Variants in OLFM2 observed in about 807,000 individuals in gnomAD.
OLFM2 encodes noelin-2.
A neutral mutation model predicts 43.9 loss-of-function variants in OLFM2; 20 were observed. That is an observed-to-expected ratio of 0.46 (90% CI 0.32 to 0.66). The LOEUF is 0.66. Among genes scored for constraint, OLFM2 ranks in the 30% least tolerant of loss-of-function variants. The pLI, the probability that OLFM2 is intolerant of heterozygous loss-of-function variation, is 0.04. For missense variants in OLFM2, 416 were observed against 643.6 expected (o/e 0.65, Z 3.83); for synonymous variants, 268 against 278.6 (o/e 0.96, Z 0.38).
intron 1 of OLFM2, among the ~76,000 whole-genome samples, chr19:9,891,663 G>A (rs959069877): frequency 6.6e-6 from 1 of 151,974 alleles, no homozygotes; most frequent in Non-Finnish European, 1.5e-5. Context: ...TCCATCACTG[G>A]GGTCCCTGAG....
At chr19:9,898,220 T>G (rs1342167870) in intron 1 of OLFM2, among the ~76,000 whole-genome samples, 2 of 150,292 alleles carry the variant, frequency 1.3e-5, no homozygotes, top group South Asian at 4.3e-4. Context: ...CCCAGCTAAT[T>G]TTTTTAAAAA....
At position 9,894,405 on chromosome 19, in the gene OLFM2, AT is replaced by A. The variant is rs1262719093; in HGVS notation, c.64-33612del. Among the ~76,000 whole-genome samples, 68 of 91,534 alleles carry A rather than the reference AT, an allele frequency of 7.4e-4. 1 individual carries two copies. Among genetic ancestry groups the A allele is most frequent in the African/African-American group, 2.4e-3 (57 of 23,984 alleles). The allele number at this position is 91,534 out of a possible 152,430, so 60.0% of individuals were successfully genotyped here. On this transcript the variant is annotated intron_variant, in intron 1 of 5. Coordinates refer to ENST00000264833, the MANE Select transcript of OLFM2 (RefSeq NM_058164.4). Reference sequence around the variant, plus strand: ...AATAATAATAATAATAATAATAATAATAATAATAAATAAATAAAATAAAGCC... The same window carrying A: ...AATAATAATAATAATAATAATAATAAAATAATAAATAAATAAAATAAAGCC...
At chr19:9,927,295 A>G (rs2086459659) in intron 1 of OLFM2, among the ~76,000 whole-genome samples, 1 of 152,094 alleles carries the variant, frequency 6.6e-6, no homozygotes, top group South Asian at 2.1e-4. Flanking sequence ...AAAAATATAA[A>G]TAAATAAATG....
intron 1 of OLFM2, among the ~76,000 whole-genome samples, chr19:9,878,759 G>C (rs920870284): frequency 6.6e-6 from 1 of 152,176 alleles, no homozygotes; most frequent in African/African-American, 2.4e-5. Flanking sequence ...AAAGAAAAAG[G>C]AAGAGGCAAT....
chr19:9,893,988 G>C (rs1309960620), intron 1 of OLFM2, among the ~76,000 whole-genome samples: 5 of 151,982 alleles, frequency 3.3e-5, no homozygotes, highest in Non-Finnish European at 4.4e-5. Flanking sequence ...GTTCAGGAGA[G>C]AGCATTCAAG....
chr19:9,895,079 C>CCAAAT, intron 1 of OLFM2, among the ~76,000 whole-genome samples: 1 of 152,232 alleles, frequency 6.6e-6, no homozygotes, highest in Middle Eastern at 3.4e-3. Flanking sequence ...ATTATCCTCA[C>CCAAAT]CCTCATTTTA....
At chr19:9,932,221 CGGCAGATCACCTGAGGT>C (rs1599506826) in intron 1 of OLFM2, among the ~76,000 whole-genome samples, 1 of 151,622 alleles carries the variant, frequency 6.6e-6, no homozygotes, top group East Asian at 1.9e-4. Flanking sequence ...GCACTTTGGG[CGGCAGATCACCTGAGGT>C]CAGGAGTTCA....
chr19:9,912,825 C>A (rs1289407997), intron 1 of OLFM2, among the ~76,000 whole-genome samples: 1 of 150,904 alleles, frequency 6.6e-6, no homozygotes, highest in Non-Finnish European at 1.5e-5. Flanking sequence ...CAGCACATGG[C>A]GAGGCAAGAA....
At chr19:9,914,145 G>A (rs908642823) in intron 1 of OLFM2, among the ~76,000 whole-genome samples, 1 of 151,402 alleles carries the variant, frequency 6.6e-6, no homozygotes, top group Non-Finnish European at 1.5e-5. Context: ...GACCCTCTTC[G>A]AGCCTGAGCC....
chr19:9,897,530 T>C (rs990633987), intron 1 of OLFM2, among the ~76,000 whole-genome samples: 6 of 151,928 alleles, frequency 3.9e-5, no homozygotes, highest in African/African-American at 1.2e-4. Context: ...AAAATACTTG[T>C]TGAATAAATA....
At chr19:9,860,307 G>A (rs1430079178) in intron 2 of OLFM2, among the ~76,000 whole-genome samples, 2 of 151,746 alleles carry the variant, frequency 1.3e-5, no homozygotes, top group Admixed American at 1.3e-4. Flanking sequence ...GGGAGACCCC[G>A]TCTCCACAAA....
At chr19:9,905,655 C>A (rs972038185) in intron 1 of OLFM2, among the ~76,000 whole-genome samples, 4 of 151,462 alleles carry the variant, frequency 2.6e-5, no homozygotes, top group African/African-American at 9.7e-5. Flanking sequence ...TGGAACTCAA[C>A]CTTCTTGAGC....
intron 1 of OLFM2, among the ~76,000 whole-genome samples, chr19:9,904,975 T>C (rs942290407): frequency 2.0e-5 from 3 of 151,606 alleles, no homozygotes; most frequent in African/African-American, 7.3e-5. Flanking sequence ...GCTATGATCA[T>C]GCCATTGCAC....
chr19:9,882,911 A>ATTTT (rs2046552153), intron 1 of OLFM2, among the ~76,000 whole-genome samples: 5 of 147,120 alleles, frequency 3.4e-5, no homozygotes, highest in African/African-American at 5.1e-5. Flanking sequence ...AAAAAATAAA[A>ATTTT]AAAAAAGCCA....
At chr19:9,901,048 A>AAGGG (rs1309785326) in intron 1 of OLFM2, among the ~76,000 whole-genome samples, 1 of 42,716 alleles carries the variant, frequency 2.3e-5, no homozygotes, top group African/African-American at 1.1e-4. Flanking sequence ...GGAGGGAGGG[A>AAGGG]AGGGAGGGAG....
chr19:9,880,394 A>G (rs1317292154), intron 1 of OLFM2, among the ~76,000 whole-genome samples: 1 of 152,128 alleles, frequency 6.6e-6, no homozygotes, highest in Non-Finnish European at 1.5e-5. Context: ...CTTCTGCTCT[A>G]GTAGGAAGAC....
In OLFM2 at chr19:9,932,686, C is replaced by T. The variant is rs146106953; in HGVS notation, c.63+3618G>A. Among the ~76,000 whole-genome samples the T allele has an allele frequency of 1.3e-3, 196 of 152,244 alleles. 4 individuals carry two copies. In the East Asian group the frequency reaches 0.033, roughly 26 times the overall value. On this transcript the variant is annotated intron_variant, in intron 1 of 5. Coordinates refer to ENST00000264833, the MANE Select transcript of OLFM2 (RefSeq NM_058164.4). ...GGCACGTGATCTAAACTGAATTATT[C>T]CTTCTCCCCATCCTCTGAAAGCCCC...
chr19:9,860,938 A>C, intron 1 of OLFM2, 144 bp from the exon 2 acceptor site: 12 of 813,018 alleles, frequency 1.5e-5, no homozygotes, highest in Non-Finnish European at 1.9e-5. Flanking sequence ...GTGTGATCTC[A>C]GGCCCTCCTT....
chr19:9,865,666 A>C (rs1448985514), intron 1 of OLFM2, among the ~76,000 whole-genome samples: 2 of 149,910 alleles, frequency 1.3e-5, no homozygotes, highest in African/African-American at 2.4e-5. Context: ...TAATTTTTGT[A>C]TTTTTAGTAG....
Sources: gnomAD v4.1 joint callset for allele counts (sites outside exome capture counted in the v4.1 genomes callset) on GRCh38, gnomAD v4.1.1 for gene constraint, MANE v1.5 for transcripts, NCBI Gene and HGNC (gene_info 2026-07-23, HGNC 2026-07-21) for gene names.